The following HNRNPDL variants were observed in gnomAD, a reference collection of about 807,000 sequenced individuals.
The protein encoded by HNRNPDL is heterogeneous nuclear ribonucleoprotein D-like.
Under a neutral mutation model 48.0 loss-of-function variants are expected in HNRNPDL, and 18 were observed. The ratio of observed to expected loss-of-function variants is 0.38; its 90% CI spans 0.26 to 0.56. The LOEUF (loss-of-function observed/expected upper bound fraction) is 0.56, where lower values mean the gene tolerates loss of function less well. HNRNPDL is among the 20% of genes least tolerant of loss of function. HNRNPDL has a pLI of 0.77. For synonymous variants in HNRNPDL, 306 were observed against 207.3 expected (o/e 1.48, Z -4.09); for missense variants, 553 against 540.7 (o/e 1.02, Z -0.23).
At chr4:82,427,670 C>T (rs1721473959) in intron 3 of HNRNPDL, 106 bp from the exon 4 acceptor site, 10 of 1,010,212 alleles carry the variant, frequency 9.9e-6, no homozygotes, top group African/African-American at 1.6e-5. Flanking sequence ...TTATTCTTAT[C>T]GGGTGACTTC....
chr4:82,429,804 G>C lies in HNRNPDL; in HGVS notation c.-114C>G, dbSNP rs1008922535. 2 of 730,088 alleles carry C rather than the reference G, an allele frequency of 2.7e-6. No homozygotes were observed. Among genetic ancestry groups the C allele is most frequent in the Non-Finnish European group, 1.9e-6 (1 of 514,732 alleles). 45.2% of individuals were successfully genotyped at this position (730,088 alleles called of 1,614,324 possible). A position where few individuals can be genotyped will look rare whatever the true frequency, so the allele number is the denominator to read the frequency against. ...GTAAATTCCTGGGGTCAGCAGTCCC[G>C]AGCAGAGCCGACGCAGGGCCACAGT... On this transcript the variant is annotated 5_prime_UTR_variant, in exon 1 of 8. Coordinates refer to ENST00000295470, the MANE Select transcript of HNRNPDL (RefSeq NM_031372.4).
rs72909806 is a variant in HNRNPDL, at chr4:82,422,703, G to C, written c.*2203C>G. The C allele has an allele frequency of 6.6e-6, 1 of 152,084 alleles. No homozygotes were observed. The highest frequency in any genetic ancestry group is 2.4e-5 in the African/African-American group (1 of 41,396). 9.4% of individuals were successfully genotyped at this position (152,084 alleles called of 1,614,324 possible). A position where few individuals can be genotyped will look rare whatever the true frequency, so the allele number is the denominator to read the frequency against. On this transcript the variant is annotated 3_prime_UTR_variant, in exon 8 of 8. Coordinates refer to ENST00000295470, the MANE Select transcript of HNRNPDL (RefSeq NM_031372.4). ...AGAATTTGGTCTGAACAATGCAAAAGGCAAATACGATGTATAAAAACATAT... is the reference window on the plus strand; with the variant it reads ...AGAATTTGGTCTGAACAATGCAAAACGCAAATACGATGTATAAAAACATAT...
chr4:82,425,950 T>G, intron 7 of HNRNPDL, 87 bp downstream of exon 7: 1 of 868,812 alleles, frequency 1.2e-6, no homozygotes, highest in Non-Finnish European at 1.9e-6. Context: ...ACAGGCTACA[T>G]AGTATTTTGT....
At chr4:82,425,259 T>C (rs1415640724) in intron 7 of HNRNPDL, 1 of 152,228 alleles carries the variant, frequency 6.6e-6, no homozygotes, top group African/African-American at 2.4e-5. Flanking sequence ...TTAATTTATA[T>C]CCCAGATTTA....
In HNRNPDL at chr4:82,424,369, C is replaced by T. The variant is rs985825006; in HGVS notation, c.*537G>A. ...CAACACTTATGTCTTCCTTTCAGGA[C>T]AGTCTTCAGATAACCAGAAGGGAAA... On this transcript the variant is annotated 3_prime_UTR_variant, in exon 8 of 8. Transcript: ENST00000295470. The T allele has an allele frequency of 1.3e-5, 2 of 152,636 alleles. No homozygotes were observed. The highest frequency in any genetic ancestry group is 2.9e-5 in the Non-Finnish European group (2 of 68,036). The allele number at this position is 152,636 out of a possible 1,614,324, so 9.5% of individuals were successfully genotyped here.
rs1357068512 is a variant in HNRNPDL, at chr4:82,424,681, G to A, written c.*225C>T. On this transcript the variant is annotated 3_prime_UTR_variant, in exon 8 of 8. Transcript: ENST00000295470. ...TAACATGAAATGATACAAATAAAAT[G>A]TGTATAAACAAATCCACATTGAGTC... The A allele has an allele frequency of 6.6e-6, 1 of 152,632 alleles. No homozygotes were observed. The highest frequency in any genetic ancestry group is 1.5e-5 in the Non-Finnish European group (1 of 68,038). The allele number at this position is 152,632 out of a possible 1,614,324, so 9.5% of individuals were successfully genotyped here.
At chr4:82,427,045 C>T in intron 5 of HNRNPDL, 145 bp downstream of exon 5, 5 of 720,964 alleles carry the variant, frequency 6.9e-6, no homozygotes, top group Non-Finnish European at 1.2e-5. Context: ...AAAACCACCA[C>T]ACACAACCTC....
Position 82,427,567 on chromosome 4 carries a change from G to A in HNRNPDL, c.775-3C>T, listed in dbSNP as rs1278081847. On this transcript the variant is annotated splice_region_variant and splice_polypyrimidine_tract_variant and intron_variant, in intron 3 of 7. Transcript: ENST00000295470. ...ATGGGAAGTTCAATATTTTCAATCT[G>A]AAATCGAGATGCACACTCAACGTCA... 1.2e-6 allele frequency: 2 copies of A among 1,607,416 alleles called. No individual in the cohort carries two copies. The highest frequency in any genetic ancestry group is 1.1e-5 in the South Asian group (1 of 89,050).
rs775047316 is a variant in HNRNPDL at position 82,427,597 on chromosome 4, A to G, written c.775-33T>C. ...CGAGATGCACACTCAACGTCATCCCATAATTGTAAAACGTTACAGTGTCAG... is the reference window on the plus strand; with the variant it reads ...CGAGATGCACACTCAACGTCATCCCGTAATTGTAAAACGTTACAGTGTCAG... On this transcript the variant is annotated intron_variant, in intron 3 of 7. Coordinates refer to ENST00000295470, the MANE Select transcript of HNRNPDL (RefSeq NM_031372.4). 5.6e-6 allele frequency: 9 copies of G among 1,599,476 alleles called. No individual in the cohort carries two copies. In the East Asian group the frequency reaches 1.1e-4, roughly 20 times the overall value.
chr4:82,425,385 A>G (rs1721374758), intron 7 of HNRNPDL: 1 of 152,338 alleles, frequency 6.6e-6, no homozygotes, highest in Non-Finnish European at 1.5e-5. Context: ...ATACAACACT[A>G]AACAGAAGAC....
At position 82,427,904 on chromosome 4, in the gene HNRNPDL, C is replaced by T. The variant is rs187253526; in HGVS notation, c.774+114G>A. On this transcript the variant is annotated intron_variant, in intron 3 of 7. Coordinates refer to ENST00000295470, the MANE Select transcript of HNRNPDL (RefSeq NM_031372.4). ...GTACAGTCACTGGAAGCGACTTGAG[C>T]AGTCATTTAATTCTACTCTTACAGG... 171 of 1,013,498 alleles carry T rather than the reference C, an allele frequency of 1.7e-4. 1 individual carries two copies. In the East Asian group the frequency reaches 4.2e-3, roughly 25 times the overall value. The allele number at this position is 1,013,498 out of a possible 1,614,324, so 62.8% of individuals were successfully genotyped here.
Position 82,429,950 on chromosome 4 carries a change from T to A in HNRNPDL, c.-260A>T. ...AGTGCGGAGCCGCTGCGGCGGCCGC[T>A]GCTACCGACTAGCACCGCGGCCAGT... On this transcript the variant is annotated 5_prime_UTR_variant, in exon 1 of 8. Transcript: ENST00000295470. 1 of 314,592 alleles carries A rather than the reference T, an allele frequency of 3.2e-6. No homozygotes were observed. The highest frequency in any genetic ancestry group is 5.0e-5 in the Admixed American group (1 of 20,022). 19.5% of individuals were successfully genotyped at this position (314,592 alleles called of 1,614,324 possible).
Position 82,429,889 on chromosome 4 carries a change from GC to G in HNRNPDL, c.-200del. The G allele has an allele frequency of 2.5e-6, 1 of 396,812 alleles. No individual in the cohort carries two copies. 24.6% of individuals were successfully genotyped at this position (396,812 alleles called of 1,614,324 possible). A position where few individuals can be genotyped will look rare whatever the true frequency, so the allele number is the denominator to read the frequency against. On this transcript the variant is annotated 5_prime_UTR_variant, in exon 1 of 8. Coordinates refer to ENST00000295470, the MANE Select transcript of HNRNPDL (RefSeq NM_031372.4). ...CGGTCCAGCCCACTCCTACCAAAAA[GC>G]CGTCAACCCCGCCTTTTTCTGCCCT...
At chr4:82,428,492 G>T (rs981650493) in intron 1 of HNRNPDL, 46 bp from the exon 2 acceptor site, 2 of 1,424,470 alleles carry the variant, frequency 1.4e-6, no homozygotes, top group Non-Finnish European at 9.7e-7. Flanking sequence ...TAACTCAAAT[G>T]ATCCTTCAGT....
chr4:82,424,286 T>C lies in HNRNPDL; in HGVS notation c.*620A>G, dbSNP rs1014836288. 4 of 152,238 alleles carry C rather than the reference T, an allele frequency of 2.6e-5. No homozygotes were observed. The highest frequency in any genetic ancestry group is 9.6e-5 in the African/African-American group (4 of 41,472). 9.4% of individuals were successfully genotyped at this position (152,238 alleles called of 1,614,324 possible). ...ACAGGAACAAAGTAAAAGGAGCTACTAACAATTTTATTACAATCCAGAAGA... is the reference window on the plus strand; with the variant it reads ...ACAGGAACAAAGTAAAAGGAGCTACCAACAATTTTATTACAATCCAGAAGA... On this transcript the variant is annotated 3_prime_UTR_variant, in exon 8 of 8. Transcript: ENST00000295470.
rs1262263375 is a variant in HNRNPDL, at chr4:82,429,228, G to A, written c.443+20C>T. On this transcript the variant is annotated intron_variant, in intron 1 of 7. Coordinates refer to ENST00000295470, the MANE Select transcript of HNRNPDL (RefSeq NM_031372.4). ...GCGGCGCGCTGGGGGAGGGGGAGCG[G>A]GGGAAGAAGCGTGCGGTACCCGTCA... 2.5e-6 allele frequency: 4 copies of A among 1,610,582 alleles called. No individual in the cohort carries two copies. Among genetic ancestry groups the A allele is most frequent in the African/African-American group, 2.7e-5 (2 of 74,880 alleles).
Position 82,429,447 on chromosome 4 carries a change from G to A in HNRNPDL, c.244C>T (p.Arg82Cys), listed in dbSNP as rs373320441. 21 of 1,608,042 alleles carry A rather than the reference G, an allele frequency of 1.3e-5. No homozygotes were observed. The highest frequency in any genetic ancestry group is 1.1e-4 in the East Asian group (5 of 44,692). Residue 82 changes from arginine to cysteine, a missense_variant, in exon 1 of 8, where the codon CGC becomes TGC. Transcript: ENST00000295470. Reference protein sequence around the residue: ...GAAIKGGRRRRPDLFRRHFKS... With the variant: ...GAAIKGGRRRCPDLFRRHFKS... Reference sequence around the variant, plus strand: ...AAATGGCGGCGGAAGAGATCCGGGCGCCGCCTGCGCCCTCCCTTTATAGCC... The same window carrying A: ...AAATGGCGGCGGAAGAGATCCGGGCACCGCCTGCGCCCTCCCTTTATAGCC...
Position 82,429,666 on chromosome 4 carries a change from G to T in HNRNPDL, c.25C>A (p.His9Asn). MEVPPRLS[H>N]VPPPLFPSAP... ...GAGGGGAACAATGGCGGCGGCACAT[G>T]GGAAAGCCTGGGCGGGACCTCCATC... Residue 9 changes from histidine (H) to asparagine (N), a missense_variant, in exon 1 of 8, where the codon CAT becomes AAT. His to Asn is a moderately conservative substitution (Grantham distance 68). Coordinates refer to ENST00000295470, the MANE Select transcript of HNRNPDL (RefSeq NM_031372.4). The T allele has an allele frequency of 2.8e-5, 38 of 1,364,622 alleles. No homozygotes were observed. Among genetic ancestry groups the T allele is most frequent in the Non-Finnish European group, 3.6e-5 (38 of 1,060,166 alleles). 84.5% of individuals were successfully genotyped at this position (1,364,622 alleles called of 1,614,324 possible).
rs757774444 is a variant in HNRNPDL, at chr4:82,428,338, G to T, written c.552C>A (p.Val184=). The T allele has an allele frequency of 6.2e-7, 1 of 1,613,828 alleles. No individual in the cohort carries two copies. The highest frequency in any genetic ancestry group is 1.7e-5 in the Admixed American group (1 of 60,002). ...VVDCTIKTDP[V]TGRSRGFGFV... ...ATCCAAATCCTCTTGATCTCCCAGT[G>T]ACTGGATCTGTTTTAATTGTGCAGT... Residue 184 remains valine (V), a synonymous_variant, in exon 2 of 8, where the codon GTC becomes GTA. Coordinates refer to ENST00000295470, the MANE Select transcript of HNRNPDL (RefSeq NM_031372.4).
Sources: gnomAD v4.1 joint callset for allele counts on GRCh38, gnomAD v4.1.1 for gene constraint, MANE v1.5 for transcripts, NCBI Gene and HGNC (gene_info 2026-07-23, HGNC 2026-07-21) for gene names.